The following KATNIP variants were observed in gnomAD, a reference collection of about 807,000 sequenced individuals.
KATNIP encodes katanin-interacting protein.
In KATNIP, 126 loss-of-function variants were observed where a neutral mutation model predicts 174.0. That is an observed-to-expected ratio of 0.72 (90% CI 0.63 to 0.84). KATNIP has a LOEUF of 0.84. KATNIP is among the 40% of genes least tolerant of loss of function. The pLI, the probability that KATNIP is intolerant of heterozygous loss-of-function variation, is 0.00. For missense variants in KATNIP, 1,958 were observed against 2,109.7 expected, an observed-to-expected ratio of 0.93 and a Z score of 1.41; for synonymous variants, 810 against 835.7, an observed-to-expected ratio of 0.97 and a Z score of 0.53.
chr16:27,632,310 A>C (rs1012186355), intron 5 of KATNIP, among the ~76,000 whole-genome samples: 1 of 152,234 alleles, frequency 6.6e-6, no homozygotes, highest in Non-Finnish European at 1.5e-5. Context: ...CTCAGGCCAG[A>C]AGCCAGAAAA....
chr16:27,673,185 A>AG (rs1186340126), intron 6 of KATNIP, among the ~76,000 whole-genome samples: 1 of 152,198 alleles, frequency 6.6e-6, no homozygotes, highest in African/African-American at 2.4e-5. Flanking sequence ...AATTCATGTT[A>AG]TCCCAGGGTT....
At chr16:27,578,854 A>C (rs1316874931) in intron 2 of KATNIP, among the ~76,000 whole-genome samples, 2 of 152,006 alleles carry the variant, frequency 1.3e-5, no homozygotes, top group African/African-American at 4.8e-5. Context: ...CTGGGATTAC[A>C]GGCGTGAGTC....
chr16:27,733,957 G>A lies in KATNIP; in HGVS notation c.1744-6084G>A, dbSNP rs1400062432. Among the ~76,000 whole-genome samples the A allele has an allele frequency of 2.6e-5, 4 of 152,230 alleles. No individual in the cohort carries two copies. In the East Asian group the frequency reaches 7.7e-4, roughly 29 times the overall value. On this transcript the variant is annotated intron_variant, in intron 14 of 27. Transcript: ENST00000261588. ...ACTTATGCGGTATATACGTAAATAT[G>A]TAGAAAAATGTCTTGAAGAACTGGA...
chr16:27,658,392 A>G (rs372095562), intron 6 of KATNIP, among the ~76,000 whole-genome samples: 3 of 152,342 alleles, frequency 2.0e-5, no homozygotes, highest in Admixed American at 1.3e-4. Context: ...GTGATTCTGA[A>G]CCAGAGACCT....
intron 5 of KATNIP, among the ~76,000 whole-genome samples, chr16:27,633,146 A>G (rs2142184133): frequency 6.6e-6 from 1 of 152,286 alleles, no homozygotes; most frequent in South Asian, 2.1e-4. Context: ...CTCCCGTCCC[A>G]TCATTGCTGG....
chr16:27,740,539 C>G lies in KATNIP; in HGVS notation c.2242C>G (p.Pro748Ala). 6.2e-7 allele frequency: 1 copy of G among 1,614,148 alleles called. No individual in the cohort carries two copies. Among genetic ancestry groups the G allele is most frequent in the Non-Finnish European group, 8.5e-7 (1 of 1,180,022 alleles). The change falls in exon 15 of 28, where the codon CCC (proline) becomes GCC (alanine). Residue 748 changes from proline to alanine, a missense_variant. Around this residue, in one of 3 missense-constraint regions of KATNIP, gnomAD observed 1,557 missense variants for 1,617.8 expected, o/e 0.96. Coordinates refer to ENST00000261588, the MANE Select transcript of KATNIP (RefSeq NM_015202.5). Reference sequence around the variant, plus strand: ...CATGGGCAGAAAAATCTGTGAGCCACCCGGGAAAACCCCATCCTGGTTACA... The same window carrying G: ...CATGGGCAGAAAAATCTGTGAGCCAGCCGGGAAAACCCCATCCTGGTTACA... ...NLMGRKICEP[P>A]GKTPSWLQPS...
intron 18 of KATNIP, among the ~76,000 whole-genome samples, chr16:27,759,677 G>C (rs570209505): frequency 6.6e-6 from 1 of 152,210 alleles, no homozygotes; most frequent in African/African-American, 2.4e-5. Flanking sequence ...GTCTGGGTTA[G>C]CTGGGCTGCC....
intron 3 of KATNIP, 45 bp from the exon 4 acceptor site, chr16:27,628,616 G>A: frequency 6.2e-7 from 1 of 1,600,934 alleles, no homozygotes; most frequent in Non-Finnish European, 8.5e-7. Context: ...CAGCAGCCCA[G>A]ACTCTCAAAT....
intron 8 of KATNIP, among the ~76,000 whole-genome samples, chr16:27,682,853 A>C (rs2078398875): frequency 6.6e-6 from 1 of 152,142 alleles, no homozygotes; most frequent in Non-Finnish European, 1.5e-5. Flanking sequence ...TTAATGGATT[A>C]AAGGGTTATC....
intron 6 of KATNIP, among the ~76,000 whole-genome samples, chr16:27,665,628 G>GTTTTTTT: frequency 6.7e-6 from 1 of 148,830 alleles, no homozygotes; most frequent in Non-Finnish European, 1.5e-5. Flanking sequence ...TTTTGAGACA[G>GTTTTTTT]GACACTCTTT....
At chr16:27,614,055 A>G (rs1486926880) in intron 2 of KATNIP, among the ~76,000 whole-genome samples, 1 of 150,734 alleles carries the variant, frequency 6.6e-6, no homozygotes, top group African/African-American at 2.4e-5. Context: ...AGCTAGGACT[A>G]CAGGCTTGCA....
intron 14 of KATNIP, among the ~76,000 whole-genome samples, chr16:27,734,967 A>G (rs561431036): frequency 6.6e-6 from 1 of 152,358 alleles, no homozygotes; most frequent in African/African-American, 2.4e-5. Context: ...TCTGAGGATG[A>G]CATAGGACAA....
intron 2 of KATNIP, among the ~76,000 whole-genome samples, chr16:27,615,007 C>G (rs968208417): frequency 5.3e-5 from 8 of 152,188 alleles, no homozygotes; most frequent in Non-Finnish European, 8.8e-5. Context: ...GAGACTCAGG[C>G]AGACACTGAC....
intron 2 of KATNIP, among the ~76,000 whole-genome samples, chr16:27,579,435 G>A (rs1412935501): frequency 6.6e-6 from 1 of 152,206 alleles, no homozygotes; most frequent in African/African-American, 2.4e-5. Context: ...ATGTATTAAC[G>A]TACCTAGCAC....
At chr16:27,688,067 T>G (rs2078589359) in intron 8 of KATNIP, among the ~76,000 whole-genome samples, 2 of 152,184 alleles carry the variant, frequency 1.3e-5, no homozygotes, top group South Asian at 4.1e-4. Context: ...TTTCATCACT[T>G]AGCTTTACAC....
At chr16:27,702,348 T>C (rs2079134316) in intron 11 of KATNIP, among the ~76,000 whole-genome samples, 1 of 152,212 alleles carries the variant, frequency 6.6e-6, no homozygotes, top group Admixed American at 6.5e-5. Context: ...AAAAGTTTGT[T>C]CAAACTCAGC....
chr16:27,570,993 A>G (rs1406980364), intron 1 of KATNIP, among the ~76,000 whole-genome samples: 1 of 152,180 alleles, frequency 6.6e-6, no homozygotes, highest in African/African-American at 2.4e-5. Flanking sequence ...TGCATTTTGA[A>G]GTTAAGCTGC....
At chr16:27,638,901 G>A (rs373559322) in intron 5 of KATNIP, among the ~76,000 whole-genome samples, 7 of 135,586 alleles carry the variant, frequency 5.2e-5, no homozygotes, top group East Asian at 2.2e-4. Flanking sequence ...TTGAACTCCC[G>A]GGCTCATGCG....
intron 5 of KATNIP, among the ~76,000 whole-genome samples, chr16:27,645,411 C>T (rs1203097657): frequency 1.3e-5 from 2 of 152,186 alleles, no homozygotes; most frequent in Non-Finnish European, 2.9e-5. Context: ...CCAGGAATCA[C>T]GTAGCATGCC....
Sources: gnomAD v4.1 joint callset for allele counts (sites outside exome capture counted in the v4.1 genomes callset) on GRCh38, gnomAD v4.1.1 for gene constraint, gnomAD v4.1.1 regional missense constraint, MANE v1.5 for transcripts, NCBI Gene and HGNC (gene_info 2026-07-23, HGNC 2026-07-21) for gene names.